SPOCK3: variants seen among roughly 807,000 people sequenced by gnomAD.
The protein encoded by SPOCK3 is testican-3.
SPOCK3 carries 30 observed loss-of-function variants against 56.6 expected under a neutral mutation model. The observed-to-expected ratio is 0.53, with a 90% CI of 0.40 to 0.72. The LOEUF (loss-of-function observed/expected upper bound fraction) is 0.72, where lower values mean the gene tolerates loss of function less well. Ranked by LOEUF, SPOCK3 falls within the 30% of genes least tolerant of loss-of-function variation. SPOCK3 has a pLI of 0.00. For synonymous variants in SPOCK3, 196 were observed against 183.3 expected, an observed-to-expected ratio of 1.07 and a Z score of -0.56; for missense variants, 527 against 530.0, an observed-to-expected ratio of 0.99 and a Z score of 0.06.
At chr4:166,989,551 G>A (rs1329372311) in intron 4 of SPOCK3, among the ~76,000 whole-genome samples, 2 of 152,034 alleles carry the variant, frequency 1.3e-5, no homozygotes, top group East Asian at 3.9e-4. Context: ...TTTAAGTTTG[G>A]AAATGAATTA....
chr4:166,936,700 T>G (rs1217262894), intron 4 of SPOCK3, among the ~76,000 whole-genome samples: 8 of 152,158 alleles, frequency 5.3e-5, no homozygotes, highest in Non-Finnish European at 1.2e-4. Flanking sequence ...GATTTCTATT[T>G]GATTAATGAT....
intron 3 of SPOCK3, among the ~76,000 whole-genome samples, chr4:167,054,477 C>G (rs1754572430): frequency 6.6e-6 from 1 of 152,136 alleles, no homozygotes; most frequent in Non-Finnish European, 1.5e-5. Context: ...AGATGTATGT[C>G]CTCATCAAAA....
intron 2 of SPOCK3, among the ~76,000 whole-genome samples, chr4:167,110,511 G>A (rs1052931668): frequency 6.6e-6 from 1 of 151,718 alleles, no homozygotes; most frequent in Non-Finnish European, 1.5e-5. Context: ...CAGTGTCAGG[G>A]GTGATAAATT....
chr4:166,737,314 G>T (rs796130432), intron 10 of SPOCK3, among the ~76,000 whole-genome samples, 153 bp downstream of exon 10: 3 of 152,182 alleles, frequency 2.0e-5, no homozygotes, highest in African/African-American at 7.2e-5. Context: ...AACATGCTAG[G>T]AGTAAGTTTT....
At chr4:166,875,391 T>A (rs1221786372) in intron 6 of SPOCK3, among the ~76,000 whole-genome samples, 1 of 152,106 alleles carries the variant, frequency 6.6e-6, no homozygotes, top group Non-Finnish European at 1.5e-5. Context: ...TCATTTTCTA[T>A]AATGTAAATA....
chr4:166,786,465 A>G (rs1740739570), intron 7 of SPOCK3, among the ~76,000 whole-genome samples: 1 of 152,182 alleles, frequency 6.6e-6, no homozygotes, highest in Non-Finnish European at 1.5e-5. Flanking sequence ...TAGGATATAA[A>G]TACTAAGAAT....
intron 2 of SPOCK3, among the ~76,000 whole-genome samples, chr4:167,169,029 G>A (rs749816186): frequency 1.3e-5 from 2 of 152,178 alleles, no homozygotes; most frequent in Admixed American, 6.5e-5. Context: ...CAGATGCACA[G>A]AGGTCAAGAA....
At position 166,802,165 on chromosome 4, in the gene SPOCK3, T is replaced by G. The variant is rs147459334; in HGVS notation, c.590-9876A>C. Among the ~76,000 whole-genome samples, 194 of 151,968 alleles carry G rather than the reference T, an allele frequency of 1.3e-3. 1 individual carries two copies. Among genetic ancestry groups the G allele is most frequent in the Admixed American group, 2.6e-3 (39 of 15,254 alleles). The stretch of plus-strand genomic sequence containing the variant: ...ATAAATTAGAGAATAAGCAAACATT[T>G]TCTGCCTAATAAGTAAATGATGCTG... On this transcript the variant is annotated intron_variant, in intron 6 of 10. Coordinates refer to ENST00000357545, the MANE Select transcript of SPOCK3 (RefSeq NM_001040159.2).
At chr4:167,208,195 G>C (rs1051457193) in intron 2 of SPOCK3, among the ~76,000 whole-genome samples, 4 of 151,900 alleles carry the variant, frequency 2.6e-5, no homozygotes, top group Non-Finnish European at 5.9e-5. Context: ...AATCACCATT[G>C]CCGAAAAGTG....
At chr4:167,067,745 C>T (rs1561182586) in intron 2 of SPOCK3, among the ~76,000 whole-genome samples, 1 of 151,708 alleles carries the variant, frequency 6.6e-6, no homozygotes, top group Non-Finnish European at 1.5e-5. Flanking sequence ...TTAAAATGAA[C>T]ATCTTAGCAA....
chr4:167,036,207 T>C (rs1475700502), intron 3 of SPOCK3, among the ~76,000 whole-genome samples: 3 of 151,150 alleles, frequency 2.0e-5, no homozygotes, highest in Non-Finnish European at 2.9e-5. Flanking sequence ...CTCTGTTTGG[T>C]ATGCTTTTGC....
intron 6 of SPOCK3, among the ~76,000 whole-genome samples, chr4:166,811,627 C>T (rs1560884444): frequency 6.6e-6 from 1 of 151,720 alleles, no homozygotes; most frequent in African/African-American, 2.4e-5. Flanking sequence ...CCTCAGAGAT[C>T]AGTTAAGATA....
chr4:166,860,329 T>C (rs542507265), intron 6 of SPOCK3, among the ~76,000 whole-genome samples: 1 of 152,190 alleles, frequency 6.6e-6, no homozygotes, highest in East Asian at 1.9e-4. Flanking sequence ...ACATTTTAAG[T>C]ATAATTATTC....
At chr4:166,742,103 CA>C in intron 8 of SPOCK3, 44 bp from the exon 9 acceptor site, 1 of 1,398,502 alleles carries the variant, frequency 7.2e-7, no homozygotes, top group Non-Finnish European at 1.0e-6. Flanking sequence ...TCTAGTTAAA[CA>C]AAGAAAGTGT....
At chr4:166,945,619 C>T (rs1488797580) in intron 4 of SPOCK3, among the ~76,000 whole-genome samples, 2 of 152,172 alleles carry the variant, frequency 1.3e-5, no homozygotes, top group African/African-American at 4.8e-5. Context: ...CAATCTGTGT[C>T]CTGTGCAGGT....
intron 2 of SPOCK3, among the ~76,000 whole-genome samples, chr4:167,222,742 TAA>T: frequency 7.7e-6 from 1 of 129,960 alleles, no homozygotes; most frequent in East Asian, 2.2e-4. Flanking sequence ...TATAAATATA[TAA>T]ACATAGATAT....
intron 6 of SPOCK3, among the ~76,000 whole-genome samples, chr4:166,825,965 G>C (rs1307087495): frequency 6.6e-6 from 1 of 151,896 alleles, no homozygotes; most frequent in Non-Finnish European, 1.5e-5. Context: ...GGTGACAGGT[G>C]CACCAAAATC....
intron 4 of SPOCK3, among the ~76,000 whole-genome samples, chr4:166,917,587 T>C (rs558830794): frequency 1.3e-5 from 2 of 152,300 alleles, no homozygotes; most frequent in East Asian, 1.9e-4. Flanking sequence ...TTAAAATTTA[T>C]TTAGTTTATA....
intron 6 of SPOCK3, among the ~76,000 whole-genome samples, chr4:166,844,278 G>A (rs1184479897): frequency 3.3e-5 from 5 of 152,108 alleles, no homozygotes; most frequent in Non-Finnish European, 5.9e-5. Context: ...TTTAAATAGG[G>A]TATGATATGC....
Sources: allele counts gnomAD v4.1 joint callset (sites outside exome capture counted in the v4.1 genomes callset), GRCh38; gene constraint gnomAD v4.1.1; transcripts MANE v1.5; gene names NCBI Gene and HGNC (gene_info 2026-07-23, HGNC 2026-07-21).